Variants in DNER observed in about 807,000 individuals in gnomAD.
DNER encodes delta and Notch-like epidermal growth factor-related receptor.
DNER carries 33 observed loss-of-function variants against 78.2 expected under a neutral mutation model. The ratio of observed to expected loss-of-function variants is 0.42; its 90% CI spans 0.32 to 0.56. The LOEUF (loss-of-function observed/expected upper bound fraction) is 0.56. DNER is among the 20% of genes least tolerant of loss of function. The pLI is 0.11. For missense variants in DNER, 918 were observed against 975.3 expected, an observed-to-expected ratio of 0.94 and a Z score of 0.78; for synonymous variants, 417 against 384.8, an observed-to-expected ratio of 1.08 and a Z score of -0.98.
chr2:229,381,825 G>T (rs544133477), intron 11 of DNER, among the ~76,000 whole-genome samples: 3 of 152,202 alleles, frequency 2.0e-5, no homozygotes, highest in East Asian at 3.9e-4. Context: ...CAGAGCACCT[G>T]GGGGAAGGGG....
At chr2:229,686,461 G>A (rs1699484373) in intron 1 of DNER, among the ~76,000 whole-genome samples, 1 of 152,196 alleles carries the variant, frequency 6.6e-6, no homozygotes, top group Non-Finnish European at 1.5e-5. Context: ...TAGCCTGGGG[G>A]CTAGAGCAGG....
chr2:229,578,542 A>T (rs1697341642), intron 4 of DNER, among the ~76,000 whole-genome samples: 1 of 152,186 alleles, frequency 6.6e-6, no homozygotes, highest in Non-Finnish European at 1.5e-5. Flanking sequence ...TGGCTTCAGG[A>T]AGCCCTCCAG....
At chr2:229,521,324 A>G (rs1696093795) in intron 5 of DNER, among the ~76,000 whole-genome samples, 1 of 152,180 alleles carries the variant, frequency 6.6e-6, no homozygotes, top group African/African-American at 2.4e-5. Context: ...TCATGTAACG[A>G]CACAGCATTG....
intron 7 of DNER, among the ~76,000 whole-genome samples, chr2:229,449,569 GA>G (rs199778180): frequency 1.3e-5 from 2 of 149,466 alleles, no homozygotes; most frequent in African/African-American, 2.5e-5. Flanking sequence ...GACTTGAGAG[GA>G]AAAAAAAATG....
At chr2:229,497,370 C>A (rs968112251) in intron 6 of DNER, among the ~76,000 whole-genome samples, 1 of 151,588 alleles carries the variant, frequency 6.6e-6, no homozygotes, top group Non-Finnish European at 1.5e-5. Context: ...ATAAACAACC[C>A]AATGTTACAT....
chr2:229,641,888 G>C (rs1241981699), intron 1 of DNER, among the ~76,000 whole-genome samples: 2 of 152,082 alleles, frequency 1.3e-5, no homozygotes, highest in Non-Finnish European at 2.9e-5. Flanking sequence ...GATTTTTATG[G>C]TATGCCCCGT....
intron 5 of DNER, among the ~76,000 whole-genome samples, chr2:229,545,205 G>T (rs559215606): frequency 1.3e-5 from 2 of 152,150 alleles, no homozygotes; most frequent in Non-Finnish European, 2.9e-5. Context: ...AATGGAACAG[G>T]CCCCCCTTGT....
At chr2:229,384,422 G>A (rs1041297934) in intron 11 of DNER, among the ~76,000 whole-genome samples, 4 of 152,106 alleles carry the variant, frequency 2.6e-5, no homozygotes, top group Admixed American at 6.6e-5. Context: ...GAGCAGAACT[G>A]AAGGAGAGAG....
intron 6 of DNER, among the ~76,000 whole-genome samples, chr2:229,508,501 T>C (rs865815908): frequency 1.3e-5 from 2 of 152,052 alleles, no homozygotes; most frequent in African/African-American, 2.4e-5. Flanking sequence ...TACCATAACA[T>C]GAATCATGCA....
chr2:229,591,759 G>A lies in DNER; in HGVS notation c.406C>T (p.Leu136Phe), dbSNP rs756960677. ...CAGCCAGTGGCTGGGAGACTGGGAAGTGCCTGTTCACAGTTGGGACCTTCA... is the reference window on the plus strand; with the variant it reads ...CAGCCAGTGGCTGGGAGACTGGGAAATGCCTGTTCACAGTTGGGACCTTCA... Reference protein sequence around the residue: ...GYEGPNCEQALPSLPATGWTE... With the variant: ...GYEGPNCEQAFPSLPATGWTE... The change falls in exon 2 of 13, where the codon CTT becomes TTT. Residue 136 changes from leucine (L) to phenylalanine (F), a missense_variant. Physicochemically the swap from Leu to Phe is conservative, Grantham distance 22. Coordinates refer to ENST00000341772, the MANE Select transcript of DNER (RefSeq NM_139072.4). This position sits in a 1 kb window ranked among gnomAD's most constrained non-coding sequence, Gnocchi z 4.6. 8 of 1,614,216 alleles carry A rather than the reference G, an allele frequency of 5.0e-6. No homozygotes were observed. Among genetic ancestry groups the A allele is most frequent in the African/African-American group, 1.3e-5 (1 of 75,056 alleles).
intron 6 of DNER, among the ~76,000 whole-genome samples, chr2:229,480,996 G>A (rs1695145977): frequency 6.6e-6 from 1 of 152,214 alleles, no homozygotes; most frequent in African/African-American, 2.4e-5. Flanking sequence ...GGAGGAAGCA[G>A]GGAGGCAGGG....
intron 12 of DNER, among the ~76,000 whole-genome samples, chr2:229,359,669 C>A (rs576415274): frequency 6.6e-6 from 1 of 152,254 alleles, no homozygotes; most frequent in East Asian, 1.9e-4. Context: ...TGGCTCCTGT[C>A]CCAACTCTCC....
chr2:229,554,571 A>C (rs1234975352), intron 4 of DNER, among the ~76,000 whole-genome samples: 3 of 152,192 alleles, frequency 2.0e-5, no homozygotes, highest in African/African-American at 7.2e-5. Flanking sequence ...ATGTGCCTGT[A>C]ATTCCAGCTA....
intron 12 of DNER, among the ~76,000 whole-genome samples, chr2:229,365,063 T>C (rs1692314273): frequency 6.6e-6 from 1 of 152,098 alleles, no homozygotes; most frequent in South Asian, 2.1e-4. Context: ...ATATTTCACT[T>C]TTACTTCTTA....
chr2:229,602,042 A>T (rs948895095), intron 1 of DNER, among the ~76,000 whole-genome samples: 1 of 152,018 alleles, frequency 6.6e-6, no homozygotes, highest in African/African-American at 2.4e-5. Flanking sequence ...CAATTTCTTG[A>T]ATAAAAAAGT....
intron 12 of DNER, among the ~76,000 whole-genome samples, chr2:229,363,992 T>A (rs1692279795): frequency 7.9e-6 from 1 of 127,168 alleles, no homozygotes; most frequent in Admixed American, 7.6e-5. Flanking sequence ...CTGCTTTTTT[T>A]TTTTTTTTTT....
intron 4 of DNER, among the ~76,000 whole-genome samples, chr2:229,547,672 C>T (rs1696653219): frequency 6.6e-6 from 1 of 152,212 alleles, no homozygotes; most frequent in African/African-American, 2.4e-5. Flanking sequence ...ATGCATCTTA[C>T]TTGATCACCA....
At chr2:229,676,883 G>A (rs1156545472) in intron 1 of DNER, among the ~76,000 whole-genome samples, 29 of 152,158 alleles carry the variant, frequency 1.9e-4, no homozygotes, top group Admixed American at 1.9e-3. Context: ...GTAATATACA[G>A]CCTGCAGATA....
chr2:229,584,909 A>AG (rs1294123453), intron 4 of DNER, among the ~76,000 whole-genome samples: 8 of 151,884 alleles, frequency 5.3e-5, no homozygotes, highest in African/African-American at 1.4e-4. Context: ...AAAAAAAAAA[A>AG]AAGAAGAAGA....
Sources: gnomAD v4.1 joint callset for allele counts (sites outside exome capture counted in the v4.1 genomes callset) on GRCh38, gnomAD v4.1.1 for gene constraint, Gnocchi (gnomAD v3.1) non-coding constraint, MANE v1.5 for transcripts, NCBI Gene and HGNC (gene_info 2026-07-23, HGNC 2026-07-21) for gene names.